The following RSU1 variants were observed in gnomAD, a reference collection of about 807,000 sequenced individuals.
The protein encoded by RSU1 is rsu-1.
Under a neutral mutation model 31.1 loss-of-function variants are expected in RSU1, and 26 were observed. That is an observed-to-expected ratio of 0.84 (90% CI 0.61 to 1.16). The LOEUF is 1.16. Among genes scored for constraint, RSU1 ranks in the 50% most tolerant of loss-of-function variants. The pLI is 0.00. For missense variants in RSU1, 320 were observed against 339.1 expected, an observed-to-expected ratio of 0.94 and a Z score of 0.44; for synonymous variants, 164 against 136.3, an observed-to-expected ratio of 1.20 and a Z score of -1.41.
At chr10:16,643,214 A>T (rs571676737) in intron 8 of RSU1, among the ~76,000 whole-genome samples, 1 of 152,288 alleles carries the variant, frequency 6.6e-6, no homozygotes, top group Non-Finnish European at 1.5e-5. Context: ...CAAACACATA[A>T]ATAACAATTT....
At position 16,668,551 on chromosome 10, in the gene RSU1, A is replaced by G. The variant is rs184767467; in HGVS notation, c.731+26472T>C. Among the ~76,000 whole-genome samples, 203 of 152,340 alleles carry G rather than the reference A, an allele frequency of 1.3e-3. 1 individual carries two copies. Among genetic ancestry groups the G allele is most frequent in the African/African-American group, 4.8e-3 (198 of 41,578 alleles). On this transcript the variant is annotated intron_variant, in intron 8 of 8. Coordinates refer to ENST00000345264, the MANE Select transcript of RSU1 (RefSeq NM_012425.4). ...ATGGTTTCCTGAACTTTATAATTCT[A>G]TAAAATTTGAACATCATAAAACATT...
chr10:16,795,303 G>A (rs564603048), intron 2 of RSU1, among the ~76,000 whole-genome samples: 2 of 141,450 alleles, frequency 1.4e-5, no homozygotes, highest in Admixed American at 7.8e-5. Flanking sequence ...GCAGTGAGCC[G>A]AGATCGCGCC....
chr10:16,723,843 T>C (rs1836330712), intron 7 of RSU1, among the ~76,000 whole-genome samples: 1 of 152,228 alleles, frequency 6.6e-6, no homozygotes, highest in South Asian at 2.1e-4. Context: ...TGCAGAGATA[T>C]ACCAACATGG....
intron 8 of RSU1, among the ~76,000 whole-genome samples, chr10:16,616,098 A>T (rs80258151): frequency 0.014 from 2,150 of 152,248 alleles, 38 homozygotes; most frequent in African/African-American, 0.049. Context: ...TTTTTTGAGA[A>T]GATTAGCAAA....
At chr10:16,616,332 A>G (rs985681675) in intron 8 of RSU1, among the ~76,000 whole-genome samples, 2 of 150,544 alleles carry the variant, frequency 1.3e-5, no homozygotes, top group Non-Finnish European at 3.0e-5. Flanking sequence ...GACCAATAAC[A>G]AATTCTGAAA....
chr10:16,626,163 G>T (rs1055499568), intron 8 of RSU1, among the ~76,000 whole-genome samples: 1 of 151,164 alleles, frequency 6.6e-6, no homozygotes, highest in Non-Finnish European at 1.5e-5. Context: ...CTCCCATCTC[G>T]CCTCCTGAAT....
At chr10:16,701,912 G>T (rs1284973594) in intron 7 of RSU1, among the ~76,000 whole-genome samples, 1 of 152,204 alleles carries the variant, frequency 6.6e-6, no homozygotes, top group Non-Finnish European at 1.5e-5. Flanking sequence ...GTTGCCTTAT[G>T]TTGCAAGTTG....
intron 2 of RSU1, among the ~76,000 whole-genome samples, chr10:16,816,635 G>A (rs1838538287): frequency 6.6e-6 from 1 of 152,192 alleles, no homozygotes; most frequent in Non-Finnish European, 1.5e-5. Context: ...GACTGTATTA[G>A]GAGACAGGAA....
chr10:16,786,427 C>T (rs1312240126), intron 2 of RSU1, among the ~76,000 whole-genome samples: 1 of 152,106 alleles, frequency 6.6e-6, no homozygotes, highest in Non-Finnish European at 1.5e-5. Context: ...TCAGGTTCAT[C>T]TTGTATTTTT....
At position 16,805,751 on chromosome 10, in the gene RSU1, T is replaced by A. The variant is rs188888314; in HGVS notation, c.109+11222A>T. Among the ~76,000 whole-genome samples, 11 of 151,876 alleles carry A rather than the reference T, an allele frequency of 7.2e-5. No homozygotes were observed. In the East Asian group the frequency reaches 2.1e-3, roughly 29 times the overall value. ...ATAAGACAACTGTTTTTAGCAATACTGGCATTAGTAATATTAGTATTGTTA... is the reference window on the plus strand; with the variant it reads ...ATAAGACAACTGTTTTTAGCAATACAGGCATTAGTAATATTAGTATTGTTA... On this transcript the variant is annotated intron_variant, in intron 2 of 8. Coordinates refer to ENST00000345264, the MANE Select transcript of RSU1 (RefSeq NM_012425.4).
intron 8 of RSU1, among the ~76,000 whole-genome samples, chr10:16,651,747 A>C (rs1352298099): frequency 6.6e-6 from 1 of 152,242 alleles, no homozygotes; most frequent in Non-Finnish European, 1.5e-5. Flanking sequence ...ATGGCTGACA[A>C]ATCTCAATAG....
rs114812960 is a variant in RSU1 at position 16,711,201 on chromosome 10, G to T, written c.599-16046C>A. On this transcript the variant is annotated intron_variant, in intron 7 of 8. Coordinates refer to ENST00000345264, the MANE Select transcript of RSU1 (RefSeq NM_012425.4). ...ATATTATCAAATTTGTTGGCATATAGCAGCTCATAATATTCTCTATAATTT... is the reference window on the plus strand; with the variant it reads ...ATATTATCAAATTTGTTGGCATATATCAGCTCATAATATTCTCTATAATTT... 6.1e-3 allele frequency among the ~76,000 whole-genome samples: 925 copies of T among 152,154 alleles called. 14 individuals carry two copies. Among genetic ancestry groups the T allele is most frequent in the African/African-American group, 0.021 (876 of 41,514 alleles).
At chr10:16,722,558 G>C (rs1429836731) in intron 7 of RSU1, among the ~76,000 whole-genome samples, 1 of 152,114 alleles carries the variant, frequency 6.6e-6, no homozygotes. Context: ...ATCATCTGGG[G>C]TATCAGGTGA....
intron 7 of RSU1, among the ~76,000 whole-genome samples, chr10:16,699,796 C>T (rs1012533305): frequency 3.9e-5 from 6 of 152,330 alleles, no homozygotes; most frequent in Middle Eastern, 3.4e-3. Context: ...AGCCAGGCAG[C>T]GCCGTGATTA....
At chr10:16,700,578 T>C (rs913948791) in intron 7 of RSU1, among the ~76,000 whole-genome samples, 28 of 152,224 alleles carry the variant, frequency 1.8e-4, no homozygotes, top group African/African-American at 6.5e-4. Flanking sequence ...TAAGTCTCCA[T>C]AATTCTCATT....
At position 16,592,386 on chromosome 10, in the gene RSU1, G is replaced by A. The variant is rs1833521971; in HGVS notation, c.*1008C>T. ...TCGTAGGTATCACTGTTGAAAAGAA[G>A]GAAAGCTGCCTATCACAGATGTTAA... is the stretch of plus-strand genomic sequence containing the variant. On this transcript the variant is annotated 3_prime_UTR_variant, in exon 9 of 9. Coordinates refer to ENST00000345264, the MANE Select transcript of RSU1 (RefSeq NM_012425.4). 1 of 152,162 alleles carries A rather than the reference G, an allele frequency of 6.6e-6. No individual in the cohort carries two copies. The highest frequency in any genetic ancestry group is 6.5e-5 in the Admixed American group (1 of 15,280). 9.4% of individuals were successfully genotyped at this position (152,162 alleles called of 1,614,324 possible). A position where few individuals can be genotyped will look rare whatever the true frequency, so the allele number is the denominator to read the frequency against.
intron 8 of RSU1, among the ~76,000 whole-genome samples, chr10:16,603,748 G>C (rs552090711): frequency 6.6e-6 from 1 of 152,142 alleles, no homozygotes; most frequent in South Asian, 2.1e-4. Flanking sequence ...ACCTGGAGTG[G>C]ATTTCTTTTA....
At chr10:16,689,303 A>T (rs1330435171) in intron 8 of RSU1, among the ~76,000 whole-genome samples, 1 of 152,152 alleles carries the variant, frequency 6.6e-6, no homozygotes, top group Non-Finnish European at 1.5e-5. Flanking sequence ...CTTAGAGATA[A>T]TTTCCTACAG....
chr10:16,614,948 C>G (rs1182857310), intron 8 of RSU1, among the ~76,000 whole-genome samples: 2 of 152,068 alleles, frequency 1.3e-5, no homozygotes, highest in East Asian at 3.9e-4. Context: ...AATATAAAGA[C>G]CAAGGACACT....
Sources: gnomAD v4.1 joint callset for allele counts (sites outside exome capture counted in the v4.1 genomes callset) on GRCh38, gnomAD v4.1.1 for gene constraint, MANE v1.5 for transcripts, NCBI Gene and HGNC (gene_info 2026-07-23, HGNC 2026-07-21) for gene names.